KHDRBS2: variants seen among roughly 807,000 people sequenced by gnomAD.
The protein encoded by KHDRBS2 is KH RNA binding domain containing, signal transduction associated 2, also known as KH domain-containing, RNA-binding, signal transduction-associated protein 2.
Under a neutral mutation model 44.3 loss-of-function variants are expected in KHDRBS2, and 26 were observed. The ratio of observed to expected loss-of-function variants is 0.59; its 90% CI spans 0.43 to 0.81. The LOEUF is 0.81. KHDRBS2 is among the 40% of genes least tolerant of loss of function. The pLI is 0.00. For missense variants in KHDRBS2, 476 were observed against 433.1 expected (o/e 1.10, Z -0.88); for synonymous variants, 194 against 151.1 (o/e 1.28, Z -2.08).
chr6:61,803,785 G>C (rs1422822826), intron 6 of KHDRBS2, among the ~76,000 whole-genome samples: 1 of 152,154 alleles, frequency 6.6e-6, no homozygotes, highest in Non-Finnish European at 1.5e-5. Context: ...GAGAAGTGCA[G>C]AGTGAAGTGG....
intron 6 of KHDRBS2, chr6:61,813,916 ACTTAC>A: frequency 2.2e-6 from 1 of 455,918 alleles, no homozygotes; most frequent in African/African-American, 2.0e-5. Flanking sequence ...CCCTGCTTTT[ACTTAC>A]CTCTTATTAT....
chr6:62,256,882 C>T (rs1837476054), intron 1 of KHDRBS2, among the ~76,000 whole-genome samples: 1 of 151,972 alleles, frequency 6.6e-6, no homozygotes, highest in African/African-American at 2.4e-5. Flanking sequence ...TCCTGTCTCC[C>T]CATATAGGGT....
At chr6:61,582,821 T>C in the KHDRBS2 span, among the ~76,000 whole-genome samples, 41 of 151,888 alleles carry the variant, frequency 2.7e-4, no homozygotes, top group African/African-American at 9.1e-4. Flanking sequence ...TTTTACATTT[T>C]ACTGTATAAT....
intron 7 of KHDRBS2, among the ~76,000 whole-genome samples, chr6:61,720,762 T>G (rs1352028483): frequency 6.6e-6 from 1 of 151,958 alleles, no homozygotes; most frequent in Non-Finnish European, 1.5e-5. Context: ...TCTTTTGCTG[T>G]GCAGAAGCTC....
At chr6:61,791,305 C>T (rs1348127200) in intron 6 of KHDRBS2, among the ~76,000 whole-genome samples, 1 of 150,898 alleles carries the variant, frequency 6.6e-6, no homozygotes, top group Admixed American at 6.6e-5. Flanking sequence ...TTTTCTTCAT[C>T]TTTCTTTCAA....
intron 1 of KHDRBS2, among the ~76,000 whole-genome samples, chr6:62,209,206 C>T (rs1828585103): frequency 6.6e-6 from 1 of 152,212 alleles, no homozygotes; most frequent in South Asian, 2.1e-4. Flanking sequence ...CAGCATAAAG[C>T]AGTAAATAAT....
At position 62,174,019 on chromosome 6, in the gene KHDRBS2, C is replaced by T. The variant is rs1428588478; in HGVS notation, c.219+3166G>A. On this transcript the variant is annotated intron_variant, in intron 2 of 8. Transcript: ENST00000281156. ...CAGAACAGACAGTGACACCCTCTCTCACTACTCATATTCAACATAATACTG... is the reference window on the plus strand; with the variant it reads ...CAGAACAGACAGTGACACCCTCTCTTACTACTCATATTCAACATAATACTG... Among the ~76,000 whole-genome samples, 4 of 151,832 alleles carry T rather than the reference C, an allele frequency of 2.6e-5. No individual in the cohort carries two copies. In the South Asian group the frequency reaches 6.2e-4, roughly 24 times the overall value.
At chr6:61,836,750 T>A (rs1204904737) in intron 6 of KHDRBS2, among the ~76,000 whole-genome samples, 3 of 59,592 alleles carry the variant, frequency 5.0e-5, no homozygotes, top group African/African-American at 1.2e-4. Context: ...ACCTATTAGG[T>A]AGAAATATAC....
intron 2 of KHDRBS2, among the ~76,000 whole-genome samples, chr6:62,139,480 G>T (rs1221103252): frequency 6.6e-6 from 1 of 151,752 alleles, no homozygotes; most frequent in African/African-American, 2.4e-5. Flanking sequence ...GTGAACCCGG[G>T]AGGCGGAGCT....
chr6:61,686,645 A>G (rs1460844981), intron 8 of KHDRBS2, among the ~76,000 whole-genome samples: 1 of 151,558 alleles, frequency 6.6e-6, no homozygotes, highest in African/African-American at 2.4e-5. Flanking sequence ...AAATATCACA[A>G]TTTTCCTACA....
At chr6:62,217,397 A>G (rs1475362797) in intron 1 of KHDRBS2, among the ~76,000 whole-genome samples, 1 of 151,934 alleles carries the variant, frequency 6.6e-6, no homozygotes, top group Non-Finnish European at 1.5e-5. Context: ...TTTCTGACTT[A>G]GAAGTAAACA....
chr6:61,780,507 AAATAT>A (rs1375355442), intron 6 of KHDRBS2, among the ~76,000 whole-genome samples: 2 of 151,874 alleles, frequency 1.3e-5, no homozygotes, highest in Non-Finnish European at 2.9e-5. Context: ...TCAAAAAATA[AAATAT>A]AATATAATAA....
intron 2 of KHDRBS2, among the ~76,000 whole-genome samples, chr6:62,065,035 C>T (rs1425635734): frequency 6.6e-6 from 1 of 152,190 alleles, no homozygotes; most frequent in African/African-American, 2.4e-5. Flanking sequence ...TGAAAAAATG[C>T]TCGTCATCAC....
At chr6:62,071,817 A>G (rs754708313) in intron 2 of KHDRBS2, among the ~76,000 whole-genome samples, 6 of 151,978 alleles carry the variant, frequency 3.9e-5, no homozygotes, top group Non-Finnish European at 7.4e-5. Context: ...TTGATTTGGC[A>G]ATGCGGGCTC....
intron 3 of KHDRBS2, among the ~76,000 whole-genome samples, chr6:62,035,966 T>C (rs1242762662): frequency 1.3e-5 from 2 of 152,138 alleles, no homozygotes; most frequent in East Asian, 1.9e-4. Context: ...CTTTGATCAA[T>C]TTTCTAACCT....
the KHDRBS2 span, among the ~76,000 whole-genome samples, chr6:61,643,745 C>G: frequency 1.3e-5 from 2 of 152,118 alleles, no homozygotes; most frequent in Non-Finnish European, 2.9e-5. Context: ...ATACAGCCCA[C>G]TAGGAAGGTG....
intron 1 of KHDRBS2, among the ~76,000 whole-genome samples, chr6:62,216,128 T>C (rs1829940706): frequency 6.6e-6 from 1 of 151,762 alleles, no homozygotes; most frequent in Admixed American, 6.6e-5. Context: ...AAAAGGTACA[T>C]GAGTTGTGCC....
chr6:61,839,974 T>A (rs1415569615), intron 6 of KHDRBS2, among the ~76,000 whole-genome samples: 1 of 152,160 alleles, frequency 6.6e-6, no homozygotes, highest in Non-Finnish European at 1.5e-5. Context: ...ATATTATTTA[T>A]GCACTAATGA....
At chr6:62,061,323 TTC>T (rs1402172098) in intron 2 of KHDRBS2, among the ~76,000 whole-genome samples, 56 of 151,972 alleles carry the variant, frequency 3.7e-4, no homozygotes, top group African/African-American at 1.3e-3. Context: ...GGTTGTTCCT[TTC>T]CATGTTCAGC....
Sources: allele counts gnomAD v4.1 joint callset (sites outside exome capture counted in the v4.1 genomes callset), GRCh38; gene constraint gnomAD v4.1.1; transcripts MANE v1.5; gene names NCBI Gene and HGNC (gene_info 2026-07-23, HGNC 2026-07-21).